KIAA1217: variants seen among roughly 807,000 people sequenced by gnomAD.
The protein encoded by KIAA1217 is KIAA1217, also known as sickle tail protein homolog.
KIAA1217 carries 88 observed loss-of-function variants against 163.9 expected under a neutral mutation model. The observed-to-expected ratio is 0.54, with a 90% confidence interval of 0.45 to 0.64. The LOEUF (loss-of-function observed/expected upper bound fraction) is 0.64, where lower values mean the gene tolerates loss of function less well. KIAA1217 is among the 30% of genes least tolerant of loss of function. KIAA1217 has a pLI of 0.00. For missense variants in KIAA1217, 2,372 were observed against 2,475.0 expected (o/e 0.96, Z 0.88); for synonymous variants, 903 against 923.1 (o/e 0.98, Z 0.39).
chr10:23,710,851 G>A (rs564520872), intron 1 of KIAA1217, among the ~76,000 whole-genome samples: 30 of 152,264 alleles, frequency 2.0e-4, no homozygotes, highest in African/African-American at 5.3e-4. Flanking sequence ...ATAGGGAACC[G>A]GGTCACCATC....
At chr10:24,532,507 G>C (rs1262567859) in intron 15 of KIAA1217, among the ~76,000 whole-genome samples, 1 of 152,324 alleles carries the variant, frequency 6.6e-6, no homozygotes, top group African/African-American at 2.4e-5. Flanking sequence ...ACATGCCTGA[G>C]ACTGGGTGAT....
intron 2 of KIAA1217, among the ~76,000 whole-genome samples, chr10:24,136,349 G>A (rs1201814046): frequency 6.6e-6 from 1 of 152,092 alleles, no homozygotes; most frequent in East Asian, 1.9e-4. Flanking sequence ...AAGGGGAGGG[G>A]AGTGGAATTT....
intron 5 of KIAA1217, among the ~76,000 whole-genome samples, chr10:24,441,330 T>C (rs556184290): frequency 2.8e-4 from 42 of 152,136 alleles, no homozygotes; most frequent in African/African-American, 8.2e-4. Context: ...AAAACATCAG[T>C]TGGAATAAGC....
intron 1 of KIAA1217, among the ~76,000 whole-genome samples, chr10:23,825,285 C>T (rs1314428445): frequency 7.9e-5 from 12 of 152,106 alleles, no homozygotes; most frequent in Admixed American, 3.9e-4. Context: ...GAAAAATGAA[C>T]GCTCATTATC....
intron 1 of KIAA1217, among the ~76,000 whole-genome samples, chr10:23,789,002 T>A (rs1232908977): frequency 6.6e-6 from 1 of 152,242 alleles, no homozygotes; most frequent in Non-Finnish European, 1.5e-5. Context: ...AAAGGGTCAA[T>A]GAACTGGCAT....
intron 2 of KIAA1217, among the ~76,000 whole-genome samples, chr10:24,231,550 G>A (rs2071414000): frequency 6.6e-6 from 1 of 152,070 alleles, no homozygotes; most frequent in Non-Finnish European, 1.5e-5. Context: ...CGAATCAGTA[G>A]AAAAACATCT....
chr10:24,085,924 G>A lies in KIAA1217; in HGVS notation c.-171+78550G>A, dbSNP rs183347830. Among the ~76,000 whole-genome samples, 917 of 152,024 alleles carry A rather than the reference G, an allele frequency of 6.0e-3. 5 individuals are homozygous for A. Among genetic ancestry groups the A allele is most frequent in the South Asian group, 9.1e-3 (44 of 4,824 alleles). On this transcript the variant is annotated intron_variant, in intron 2 of 18. Transcript: ENST00000376462. ...GGAGGTTGAGGCTGCGGTGGGCCAA[G>A]ATTATGCCACTGCACTCCAGCCTGG...
At chr10:23,939,770 G>C (rs921556124) in intron 1 of KIAA1217, among the ~76,000 whole-genome samples, 1 of 151,382 alleles carries the variant, frequency 6.6e-6, no homozygotes, top group African/African-American at 2.4e-5. Flanking sequence ...ATTGACCTAA[G>C]GAACATACAT....
intron 2 of KIAA1217, among the ~76,000 whole-genome samples, chr10:24,124,559 A>G (rs1263292266): frequency 2.0e-5 from 3 of 152,154 alleles, no homozygotes; most frequent in Admixed American, 2.0e-4. Flanking sequence ...ACCATTAAGT[A>G]TGGTATTCTC....
intron 5 of KIAA1217, among the ~76,000 whole-genome samples, chr10:24,456,427 G>A (rs1407418239): frequency 6.6e-6 from 1 of 152,160 alleles, no homozygotes; most frequent in East Asian, 1.9e-4. Context: ...AATCATGCGT[G>A]CTCAGTGACA....
intron 2 of KIAA1217, among the ~76,000 whole-genome samples, chr10:24,064,048 C>T (rs1416119846): frequency 3.3e-5 from 5 of 152,116 alleles, no homozygotes; most frequent in South Asian, 2.1e-4. Context: ...AGGGCTGAGA[C>T]GATGGGGTTT....
At chr10:24,304,832 G>A (rs1365464165) in intron 2 of KIAA1217, among the ~76,000 whole-genome samples, 2 of 152,146 alleles carry the variant, frequency 1.3e-5, no homozygotes, top group Non-Finnish European at 2.9e-5. Flanking sequence ...GTTTAGGGTG[G>A]CTGCATAGGA....
At chr10:24,512,283 C>T (rs142524632) in intron 9 of KIAA1217, among the ~76,000 whole-genome samples, 15 of 152,040 alleles carry the variant, frequency 9.9e-5, no homozygotes, top group African/African-American at 3.4e-4. Flanking sequence ...TCCATGAAAC[C>T]GGAAAACAGG....
chr10:24,510,135 A>C (rs928803141), intron 9 of KIAA1217, among the ~76,000 whole-genome samples: 1 of 152,158 alleles, frequency 6.6e-6, no homozygotes, highest in Admixed American at 6.5e-5. Context: ...TAGAAGAACA[A>C]CTTGGGGTGG....
At chr10:23,853,216 A>T (rs1839449704) in intron 1 of KIAA1217, among the ~76,000 whole-genome samples, 1 of 152,196 alleles carries the variant, frequency 6.6e-6, no homozygotes, top group African/African-American at 2.4e-5. Context: ...GAGAGTTTTT[A>T]GCATGAAGAG....
intron 2 of KIAA1217, among the ~76,000 whole-genome samples, chr10:24,226,271 T>C (rs1488301645): frequency 6.6e-6 from 1 of 152,164 alleles, no homozygotes; most frequent in Non-Finnish European, 1.5e-5. Context: ...GTTGACATCA[T>C]GTACATCACA....
At chr10:24,228,098 A>C (rs1271103170) in intron 2 of KIAA1217, among the ~76,000 whole-genome samples, 1 of 151,996 alleles carries the variant, frequency 6.6e-6, no homozygotes, top group East Asian at 1.9e-4. Context: ...AACATGGGAA[A>C]GCCCCTACTC....
upstream of KIAA1217, among the ~76,000 whole-genome samples, chr10:24,205,542 G>A (rs2067508364): frequency 6.6e-6 from 1 of 151,760 alleles, no homozygotes; most frequent in Non-Finnish European, 1.5e-5. Context: ...GGGAGCCCGA[G>A]GCAGGCAGAT....
chr10:24,280,412 A>G (rs991926782), intron 2 of KIAA1217, among the ~76,000 whole-genome samples: 2 of 152,240 alleles, frequency 1.3e-5, no homozygotes, highest in Non-Finnish European at 1.5e-5. Flanking sequence ...AAAGGGTGCT[A>G]TAAAGTAAAA....
Sources: allele counts gnomAD v4.1 joint callset (sites outside exome capture counted in the v4.1 genomes callset), GRCh38; gene constraint gnomAD v4.1.1; transcripts MANE v1.5; gene names NCBI Gene and HGNC (gene_info 2026-07-23, HGNC 2026-07-21).